The following RPAP2 variants were observed in gnomAD, a reference collection of about 807,000 sequenced individuals.
The protein encoded by RPAP2 is RNA polymerase II associated protein 2.
RPAP2 carries 52 observed loss-of-function variants against 73.1 expected under a neutral mutation model. That is an observed-to-expected ratio of 0.71 (90% CI 0.57 to 0.90). The LOEUF is 0.90. Among genes scored for constraint, RPAP2 ranks in the 40% least tolerant of loss-of-function variants. The pLI is 0.00. For synonymous variants in RPAP2, 225 were observed against 242.1 expected (o/e 0.93, Z 0.65); for missense variants, 598 against 701.8 (o/e 0.85, Z 1.67).
At position 92,301,487 on chromosome 1, in the gene RPAP2, T is replaced by C; in HGVS notation, c.131T>C (p.Leu44Pro). The C allele has an allele frequency of 1.3e-6, 2 of 1,576,888 alleles. No individual in the cohort carries two copies. Residue 44 changes from leucine (L) to proline (P), a missense_variant, in exon 3 of 13, where the codon CTA becomes CCA. Physicochemically the swap from Leu to Pro is moderately conservative, Grantham distance 98 (BLOSUM62 -3). This residue lies in a region of RPAP2 where 77 missense variants were observed against 55.7 expected (regional missense o/e 1.38). Transcript: ENST00000610020. The part of the protein sequence containing the change: ...QEDASKRKAE[L>P]EAAVRKKIEF... Reference sequence around the variant, plus strand: ...CTTTCAAATTTTAGGAAAGCTGAACTAGAAGCAGCTGTGAGAAAGAAGATT... The same window carrying C: ...CTTTCAAATTTTAGGAAAGCTGAACCAGAAGCAGCTGTGAGAAAGAAGATT...
At chr1:92,299,492 G>A (rs1440566945) in intron 1 of RPAP2, among the ~76,000 whole-genome samples, 1 of 152,106 alleles carries the variant, frequency 6.6e-6, no homozygotes, top group Non-Finnish European at 1.5e-5. Context: ...ACCTAGGACC[G>A]GTCCTCCTTT....
At chr1:92,376,414 T>G (rs1209581218) in intron 11 of RPAP2, among the ~76,000 whole-genome samples, 1 of 152,196 alleles carries the variant, frequency 6.6e-6, no homozygotes, top group Non-Finnish European at 1.5e-5. Context: ...AAAGGAAATC[T>G]TATTTCCTTA....
rs1372154917 is a variant in RPAP2, at chr1:92,320,652, T to G, written c.524+18T>G. ...GAACAAAGGTATGGTTGAATCAGTATCATTTACCATTTATATATTTATGTT... is the reference window on the plus strand; with the variant it reads ...GAACAAAGGTATGGTTGAATCAGTAGCATTTACCATTTATATATTTATGTT... On this transcript the variant is annotated intron_variant, in intron 7 of 12. Transcript: ENST00000610020. 2 of 1,583,830 alleles carry G rather than the reference T, an allele frequency of 1.3e-6. No individual in the cohort carries two copies. The highest frequency in any genetic ancestry group is 2.2e-5 in the South Asian group (2 of 89,708).
chr1:92,330,057 AG>A (rs1335378735), intron 8 of RPAP2, among the ~76,000 whole-genome samples: 1 of 152,200 alleles, frequency 6.6e-6, no homozygotes, highest in Non-Finnish European at 1.5e-5. Flanking sequence ...TCTTGTACCA[AG>A]GAAGTGCTGC....
Position 92,324,099 on chromosome 1 carries a change from T to G in RPAP2, c.1179T>G (p.Ser393=). 6.2e-7 allele frequency: 1 copy of G among 1,614,160 alleles called. No homozygotes were observed. The change falls in exon 8 of 13, where the codon TCT becomes TCG. Residue 393 remains serine (S), a synonymous_variant. Transcript: ENST00000610020. ...LRFLYGQNYA[S]VCLKPEASLV... ...TTTTGTATGGCCAGAATTATGCTTC[T>G]GTGTGTCTGAAACCCGAAGCCTCTC...
At chr1:92,351,727 TAGA>T (rs1339721538) in intron 11 of RPAP2, among the ~76,000 whole-genome samples, 1 of 152,176 alleles carries the variant, frequency 6.6e-6, no homozygotes, top group Admixed American at 6.6e-5. Flanking sequence ...AGAAGACATA[TAGA>T]AGGCTATCGA....
At chr1:92,382,250 A>G (rs1393903663) in intron 12 of RPAP2, among the ~76,000 whole-genome samples, 1 of 152,174 alleles carries the variant, frequency 6.6e-6, no homozygotes, top group Non-Finnish European at 1.5e-5. Context: ...GTGTCTTTAT[A>G]GCAGCATGAT....
intron 8 of RPAP2, among the ~76,000 whole-genome samples, chr1:92,324,840 G>A (rs1367766590): frequency 6.6e-6 from 1 of 152,122 alleles, no homozygotes; most frequent in Non-Finnish European, 1.5e-5. Context: ...AAAATAGTTT[G>A]TAAAAGAGAC....
intron 3 of RPAP2, among the ~76,000 whole-genome samples, chr1:92,302,933 TCATACCTGTAATCC>T (rs1230326147): frequency 6.6e-6 from 1 of 151,458 alleles, no homozygotes; most frequent in Admixed American, 6.6e-5. Flanking sequence ...GCACGATGGC[TCATACCTGTAATCC>T]CAGCACTTTG....
At chr1:92,340,427 T>C (rs1308670832) in intron 10 of RPAP2, among the ~76,000 whole-genome samples, 4 of 152,218 alleles carry the variant, frequency 2.6e-5, no homozygotes, top group African/African-American at 4.8e-5. Flanking sequence ...TGAGAAATCT[T>C]TTCAATCAAT....
At chr1:92,378,583 C>T (rs778102527) in intron 11 of RPAP2, among the ~76,000 whole-genome samples, 44 of 152,276 alleles carry the variant, frequency 2.9e-4, no homozygotes, top group Admixed American at 1.6e-3. Context: ...CTGACTTGGA[C>T]TTCTTGGTTT....
chr1:92,338,287 C>T (rs1472847153), intron 10 of RPAP2, among the ~76,000 whole-genome samples: 2 of 152,166 alleles, frequency 1.3e-5, no homozygotes, highest in African/African-American at 4.8e-5. Context: ...GATTATTGAT[C>T]ACTCACAAGT....
At chr1:92,351,288 C>G (rs148395257) in intron 11 of RPAP2, among the ~76,000 whole-genome samples, 1,794 of 115,658 alleles carry the variant, frequency 0.016, 63 homozygotes, top group African/African-American at 0.058. Context: ...GCCTGGTGAC[C>G]GAGTGAGACT....
chr1:92,360,115 A>G (rs1654663474), intron 11 of RPAP2, among the ~76,000 whole-genome samples: 1 of 152,244 alleles, frequency 6.6e-6, no homozygotes. Flanking sequence ...CAAAATATGT[A>G]CTTTGCACTG....
In RPAP2 at chr1:92,399,217, T is replaced by C. The variant is rs1314681398; in HGVS notation, c.*12206T>C. On this transcript the variant is annotated 3_prime_UTR_variant, in exon 13 of 13. Coordinates refer to ENST00000610020, the MANE Select transcript of RPAP2 (RefSeq NM_024813.3). ...GTCATAACCAAAGTGAAGGACAATA[T>C]TGCATGACTTCAGAAGAAAGCCATC... The C allele has an allele frequency of 6.6e-6, 1 of 152,234 alleles. No individual in the cohort carries two copies. Among genetic ancestry groups the C allele is most frequent in the Non-Finnish European group, 1.5e-5 (1 of 68,046 alleles). The allele number at this position is 152,234 out of a possible 1,614,324, so 9.4% of individuals were successfully genotyped here.
chr1:92,336,168 G>A (rs1653265831), intron 9 of RPAP2, among the ~76,000 whole-genome samples, 179 bp from the exon 10 acceptor site: 1 of 151,988 alleles, frequency 6.6e-6, no homozygotes, highest in African/African-American at 2.4e-5. Flanking sequence ...TGGAGTGTGG[G>A]GTTACTATGA....
chr1:92,313,573 CATAAT>C (rs1389028805), intron 6 of RPAP2, among the ~76,000 whole-genome samples: 1 of 151,744 alleles, frequency 6.6e-6, no homozygotes, highest in Non-Finnish European at 1.5e-5. Flanking sequence ...GTAGATTTAG[CATAAT>C]TCTTAGGGGC....
At position 92,301,355 on chromosome 1, in the gene RPAP2, T is replaced by A. The variant is rs554413704; in HGVS notation, c.120-121T>A. 629 of 400,952 alleles carry A rather than the reference T, an allele frequency of 1.6e-3. 6 individuals are homozygous for A. Among genetic ancestry groups the A allele is most frequent in the Admixed American group, 9.8e-3 (225 of 23,008 alleles). The allele number at this position is 400,952 out of a possible 1,614,324, so 24.8% of individuals were successfully genotyped here. On this transcript the variant is annotated intron_variant, in intron 2 of 12. Transcript: ENST00000610020. ...GAAATAAATATTTTTATTCAAAAAA[T>A]TTTTTAAATATATTTAAATTTAAGT...
At chr1:92,356,603 T>C (rs1272816643) in intron 11 of RPAP2, among the ~76,000 whole-genome samples, 1 of 149,410 alleles carries the variant, frequency 6.7e-6, no homozygotes, top group African/African-American at 2.5e-5. Flanking sequence ...TTTTTTTTTT[T>C]TCTGTATTTT....
Sources: allele counts gnomAD v4.1 joint callset (sites outside exome capture counted in the v4.1 genomes callset), GRCh38; gene constraint gnomAD v4.1.1; regional missense constraint gnomAD v4.1.1; transcripts MANE v1.5; gene names NCBI Gene and HGNC (gene_info 2026-07-23, HGNC 2026-07-21).